The following ROR1 variants were observed in gnomAD, a reference collection of about 807,000 sequenced individuals.
ROR1 encodes ROR family WNT receptor 1.
A neutral mutation model predicts 78.8 loss-of-function variants in ROR1; 19 were observed. The observed-to-expected ratio is 0.24, with a 90% CI of 0.17 to 0.35. The LOEUF is 0.35. Ranked by LOEUF, ROR1 falls within the 10% of genes least tolerant of loss-of-function variation. The pLI, the probability that ROR1 is intolerant of heterozygous loss-of-function variation, is 1.00. For missense variants in ROR1, 917 were observed against 1,177.8 expected, an observed-to-expected ratio of 0.78 and a Z score of 3.24; for synonymous variants, 386 against 433.6, an observed-to-expected ratio of 0.89 and a Z score of 1.36.
Position 64,180,150 on chromosome 1 carries a change from G to C in ROR1, c.*1295G>C, listed in dbSNP as rs932734759. ...ATGACCATTTTTGCCTTAGTGGGAGGTTTCAAATGTGCAGCTCATGGCATT... is the reference window on the plus strand; with the variant it reads ...ATGACCATTTTTGCCTTAGTGGGAGCTTTCAAATGTGCAGCTCATGGCATT... On this transcript the variant is annotated 3_prime_UTR_variant, in exon 9 of 9. Transcript: ENST00000371079. The C allele has an allele frequency of 1.3e-5, 2 of 152,172 alleles. No individual in the cohort carries two copies. Among genetic ancestry groups the C allele is most frequent in the African/African-American group, 4.8e-5 (2 of 41,434 alleles). The allele number at this position is 152,172 out of a possible 1,614,324, so 9.4% of individuals were successfully genotyped here.
intron 4 of ROR1, among the ~76,000 whole-genome samples, chr1:64,080,915 C>T (rs1647096516): frequency 6.6e-6 from 1 of 152,196 alleles, no homozygotes; most frequent in African/African-American, 2.4e-5. Flanking sequence ...CAAATACAGA[C>T]TGAGAAAATG....
At chr1:64,054,114 T>C (rs1646855220) in intron 4 of ROR1, among the ~76,000 whole-genome samples, 1 of 152,106 alleles carries the variant, frequency 6.6e-6, no homozygotes, top group Non-Finnish European at 1.5e-5. Context: ...CTACCGTGCC[T>C]GGCAAATTTT....
intron 1 of ROR1, among the ~76,000 whole-genome samples, chr1:63,979,181 A>C (rs1646187946): frequency 6.6e-6 from 1 of 152,160 alleles, no homozygotes; most frequent in Non-Finnish European, 1.5e-5. Context: ...ATCTGGGCCC[A>C]GCCAAGTTGA....
At chr1:64,014,480 C>T (rs772163807) in intron 2 of ROR1, among the ~76,000 whole-genome samples, 1 of 151,186 alleles carries the variant, frequency 6.6e-6, no homozygotes, top group African/African-American at 2.4e-5. Flanking sequence ...GGGGCTCAAC[C>T]TCAGCTTCCC....
chr1:64,117,325 A>T (rs1648349624), intron 4 of ROR1, among the ~76,000 whole-genome samples: 1 of 152,224 alleles, frequency 6.6e-6, no homozygotes, highest in Non-Finnish European at 1.5e-5. Flanking sequence ...TTTGAGGATC[A>T]AATAGAGATA....
At chr1:63,881,195 A>C (rs1645320764) in intron 1 of ROR1, among the ~76,000 whole-genome samples, 1 of 152,196 alleles carries the variant, frequency 6.6e-6, no homozygotes, top group African/African-American at 2.4e-5. Context: ...TATCAACACT[A>C]GAGTGTGATA....
intron 1 of ROR1, among the ~76,000 whole-genome samples, chr1:63,978,529 T>C (rs1180462526): frequency 6.6e-6 from 1 of 152,204 alleles, no homozygotes; most frequent in Non-Finnish European, 1.5e-5. Context: ...CCAAATATAG[T>C]GGGCAGCACA....
At chr1:64,097,946 T>A (rs563871855) in intron 4 of ROR1, among the ~76,000 whole-genome samples, 1 of 152,214 alleles carries the variant, frequency 6.6e-6, no homozygotes, top group East Asian at 1.9e-4. Context: ...ATGGACAAAT[T>A]TATGCAAAAG....
Position 63,786,374 on chromosome 1 carries a change from G to A in ROR1, c.91+11866G>A, listed in dbSNP as rs1046844708. On this transcript the variant is annotated intron_variant, in intron 1 of 8. Coordinates refer to ENST00000371079, the MANE Select transcript of ROR1 (RefSeq NM_005012.4). ...TGCAAGCTCCGCCTCCCGGGTTCACGCCATTCTCCTGCCTCAGCCTCCTCA... is the reference window on the plus strand; with the variant it reads ...TGCAAGCTCCGCCTCCCGGGTTCACACCATTCTCCTGCCTCAGCCTCCTCA... Among the ~76,000 whole-genome samples the A allele has an allele frequency of 4.3e-5, 6 of 138,374 alleles. No homozygotes were observed. In the South Asian group the frequency reaches 7.1e-4, roughly 16 times the overall value. The allele number at this position is 138,374 out of a possible 152,430, so 90.8% of individuals were successfully genotyped here. A position where few individuals can be genotyped will look rare whatever the true frequency, so the allele number is the denominator to read the frequency against.
chr1:63,781,897 C>T (rs573029368), intron 1 of ROR1, among the ~76,000 whole-genome samples: 14 of 152,298 alleles, frequency 9.2e-5, no homozygotes, highest in African/African-American at 3.4e-4. Flanking sequence ...AATACAGTTG[C>T]TCTGGTATAT....
chr1:64,037,093 A>G (rs929743920), intron 2 of ROR1, among the ~76,000 whole-genome samples: 3 of 152,092 alleles, frequency 2.0e-5, no homozygotes, highest in Non-Finnish European at 4.4e-5. Context: ...AAGTTTTTTT[A>G]AACCTGACTC....
chr1:63,833,701 A>T (rs1164289720), intron 1 of ROR1, among the ~76,000 whole-genome samples: 3 of 152,222 alleles, frequency 2.0e-5, no homozygotes, highest in Middle Eastern at 3.4e-3. Flanking sequence ...GTGCAAAGAC[A>T]GATTCTGCTG....
intron 4 of ROR1, among the ~76,000 whole-genome samples, chr1:64,067,934 G>C (rs1646972367): frequency 1.3e-5 from 2 of 152,028 alleles, no homozygotes; most frequent in Admixed American, 1.3e-4. Context: ...GGATGGTCTC[G>C]ATCTCCTGAC....
chr1:64,030,616 C>A (rs1646652402), intron 2 of ROR1, among the ~76,000 whole-genome samples: 1 of 152,096 alleles, frequency 6.6e-6, no homozygotes, highest in African/African-American at 2.4e-5. Flanking sequence ...TCTGCATGAC[C>A]AGTTTTCAGG....
intron 4 of ROR1, among the ~76,000 whole-genome samples, chr1:64,120,436 A>G (rs539494680): frequency 7.2e-5 from 11 of 152,238 alleles, no homozygotes; most frequent in Non-Finnish European, 1.5e-4. Context: ...GCTATTTTTA[A>G]CCCAAAGATC....
At chr1:64,011,735 C>T (rs927728234) in intron 2 of ROR1, among the ~76,000 whole-genome samples, 1 of 152,154 alleles carries the variant, frequency 6.6e-6, no homozygotes, top group African/African-American at 2.4e-5. Flanking sequence ...TTGGCATCAT[C>T]TTTCTCTAGA....
chr1:64,168,667 T>C (rs892760803), intron 8 of ROR1, among the ~76,000 whole-genome samples: 1 of 152,248 alleles, frequency 6.6e-6, no homozygotes, highest in Non-Finnish European at 1.5e-5. Context: ...CAAGTAGTCA[T>C]GTAGTATATA....
chr1:63,984,773 A>G lies in ROR1; in HGVS notation c.92-24532A>G, dbSNP rs1243673851. Among the ~76,000 whole-genome samples, 4 of 152,324 alleles carry G rather than the reference A, an allele frequency of 2.6e-5. No individual in the cohort carries two copies. The East Asian group carries it at 7.7e-4, about 29-fold the overall frequency. On this transcript the variant is annotated intron_variant, in intron 1 of 8. Transcript: ENST00000371079. ...TTTGGTCCTATTCCATGCGTTGGATAGCTGAACATGGACAGATATACAATA... is the reference window on the plus strand; with the variant it reads ...TTTGGTCCTATTCCATGCGTTGGATGGCTGAACATGGACAGATATACAATA...
At chr1:63,902,552 T>C (rs1365863549) in intron 1 of ROR1, among the ~76,000 whole-genome samples, 1 of 152,066 alleles carries the variant, frequency 6.6e-6, no homozygotes, top group African/African-American at 2.4e-5. Flanking sequence ...CTCGAACTCC[T>C]GGCTCCAGCA....
Sources: allele counts gnomAD v4.1 joint callset (sites outside exome capture counted in the v4.1 genomes callset), GRCh38; gene constraint gnomAD v4.1.1; transcripts MANE v1.5; gene names NCBI Gene and HGNC (gene_info 2026-07-23, HGNC 2026-07-21).